DCAF6: variants seen among roughly 807,000 people sequenced by gnomAD.
DCAF6 encodes the protein DDB1 and CUL4 associated factor 6, also known as DDB1- and CUL4-associated factor 6.
Under a neutral mutation model 125.1 loss-of-function variants are expected in DCAF6, and 54 were observed. The ratio of observed to expected loss-of-function variants is 0.43; its 90% confidence interval spans 0.35 to 0.54. The LOEUF (loss-of-function observed/expected upper bound fraction) is 0.54. DCAF6 is among the 20% of genes least tolerant of loss of function. The pLI is 0.01. For synonymous variants in DCAF6, 371 were observed against 390.4 expected, an observed-to-expected ratio of 0.95 and a Z score of 0.58; for missense variants, 934 against 1,161.7, an observed-to-expected ratio of 0.80 and a Z score of 2.85.
chr1:167,901,074 A>C, the DCAF6 span, among the ~76,000 whole-genome samples: 1 of 152,216 alleles, frequency 6.6e-6, no homozygotes, highest in Admixed American at 6.5e-5. Flanking sequence ...CCTGTATCTC[A>C]GGACTGTCAT....
At chr1:167,913,385 G>C in the DCAF6 span, among the ~76,000 whole-genome samples, 1 of 152,136 alleles carries the variant, frequency 6.6e-6, no homozygotes, top group Admixed American at 6.5e-5. Flanking sequence ...TACATGTAAA[G>C]TCAGGTTTCA....
chr1:168,039,643 A>G (rs1038214729), intron 13 of DCAF6, among the ~76,000 whole-genome samples: 1 of 147,596 alleles, frequency 6.8e-6, no homozygotes, highest in Non-Finnish European at 1.5e-5. Context: ...TTGTTTAATG[A>G]CAATATATTA....
intron 4 of DCAF6, among the ~76,000 whole-genome samples, chr1:167,979,470 T>G (rs1678773733): frequency 1.3e-5 from 2 of 152,232 alleles, no homozygotes; most frequent in African/African-American, 4.8e-5. Flanking sequence ...AATCATGCAG[T>G]ATTTGACTTT....
chr1:167,918,158 C>T, the DCAF6 span: 1 of 549,920 alleles, frequency 1.8e-6, no homozygotes, highest in African/African-American at 1.9e-5. Context: ...TGTAGAGAGA[C>T]TGTTATTAAA....
intron 2 of DCAF6, among the ~76,000 whole-genome samples, chr1:167,952,921 C>T (rs1674196147): frequency 6.6e-6 from 1 of 152,116 alleles, no homozygotes; most frequent in African/African-American, 2.4e-5. Flanking sequence ...TAGTAATTAT[C>T]AAGATTTTGC....
intron 19 of DCAF6, 96 bp downstream of exon 19, chr1:168,065,842 T>G: frequency 1.7e-6 from 2 of 1,167,720 alleles, no homozygotes; most frequent in East Asian, 5.2e-5. Context: ...ATTATAAGAA[T>G]AATCCAAACT....
At position 167,946,515 on chromosome 1, in the gene DCAF6, A is replaced by G. The variant is rs111671669; in HGVS notation, c.98-5285A>G. 2.9e-3 allele frequency among the ~76,000 whole-genome samples: 448 copies of G among 152,248 alleles called. 1 individual carries two copies. Among genetic ancestry groups the G allele is most frequent in the African/African-American group, 0.01 (426 of 41,554 alleles). On this transcript the variant is annotated intron_variant, in intron 1 of 21. Transcript: ENST00000367840. ...GATGTTAGTTACAGGTTTATCATATATGGCCTTTATTATTTTGAGGTATGA... is the reference window on the plus strand; with the variant it reads ...GATGTTAGTTACAGGTTTATCATATGTGGCCTTTATTATTTTGAGGTATGA...
In DCAF6 at chr1:168,073,107, C is replaced by T. The variant is rs575943052; in HGVS notation, c.2792-2264C>T. On this transcript the variant is annotated intron_variant, in intron 21 of 21. Coordinates refer to ENST00000367840, the MANE Select transcript of DCAF6 (RefSeq NM_001198956.2). ...AGGAGAATCGCTTGAACCCGGGAGG[C>T]GGAGGTTGCAGTGAGCCAAGATCGC... 5.3e-5 allele frequency among the ~76,000 whole-genome samples: 8 copies of T among 151,916 alleles called. No individual in the cohort carries two copies. The South Asian group carries it at 1.0e-3, about 20-fold the overall frequency.
chr1:168,066,335 A>G lies in DCAF6; in HGVS notation c.2597-42A>G, dbSNP rs747755505. 9.0e-6 allele frequency: 12 copies of G among 1,335,330 alleles called. No homozygotes were observed. The South Asian group carries it at 1.6e-4, about 18-fold the overall frequency. 82.7% of individuals were successfully genotyped at this position (1,335,330 alleles called of 1,614,324 possible). ...ATAATATAAGCATATCCTGAATTGC[A>G]TGTTTCTAGGCTTCATATTAATATA... On this transcript the variant is annotated intron_variant, in intron 19 of 21. Coordinates refer to ENST00000367840, the MANE Select transcript of DCAF6 (RefSeq NM_001198956.2).
At chr1:167,939,744 C>T (rs1483929346) in intron 1 of DCAF6, among the ~76,000 whole-genome samples, 3 of 151,310 alleles carry the variant, frequency 2.0e-5, no homozygotes, top group Admixed American at 6.6e-5. Flanking sequence ...GCCTGGGCGA[C>T]AGAGGGAAAC....
the DCAF6 span, among the ~76,000 whole-genome samples, chr1:167,921,871 C>A: frequency 6.6e-6 from 1 of 151,992 alleles, no homozygotes; most frequent in Non-Finnish European, 1.5e-5. Flanking sequence ...ATATTTATAT[C>A]CTTTAGGTTA....
At chr1:167,878,584 C>G in the DCAF6 span, 2 of 1,614,126 alleles carry the variant, frequency 1.2e-6, no homozygotes, top group Non-Finnish European at 1.7e-6. Context: ...GGTCACAATT[C>G]CTGGGTAGTA....
At chr1:168,071,509 C>T (rs1248329513) in intron 21 of DCAF6, among the ~76,000 whole-genome samples, 1 of 152,114 alleles carries the variant, frequency 6.6e-6, no homozygotes, top group Non-Finnish European at 1.5e-5. Flanking sequence ...TGGTGCACAC[C>T]TGTAATCCCA....
At chr1:167,950,814 A>T (rs983009194) in intron 1 of DCAF6, among the ~76,000 whole-genome samples, 3 of 152,206 alleles carry the variant, frequency 2.0e-5, no homozygotes, top group African/African-American at 7.2e-5. Flanking sequence ...TTAAAGGGAC[A>T]GATTTCTCTT....
intron 20 of DCAF6, among the ~76,000 whole-genome samples, chr1:168,067,302 T>C (rs933264833): frequency 6.6e-6 from 1 of 152,156 alleles, no homozygotes; most frequent in African/African-American, 2.4e-5. Context: ...GATAAGGCCC[T>C]ACCCTCAGAG....
At chr1:167,934,172 G>A (rs901650280), upstream of DCAF6, among the ~76,000 whole-genome samples, 4 of 152,184 alleles carry the variant, frequency 2.6e-5, no homozygotes, top group African/African-American at 9.7e-5. Context: ...TGAAAGCTGA[G>A]TAGTATTTTA....
the DCAF6 span, among the ~76,000 whole-genome samples, chr1:167,884,268 C>T: frequency 1.1e-4 from 16 of 152,298 alleles, no homozygotes; most frequent in Admixed American, 9.1e-4. Flanking sequence ...GGGGAGGACT[C>T]AAACTTATAA....
At chr1:167,905,319 T>C in the DCAF6 span, 8 of 767,754 alleles carry the variant, frequency 1.0e-5, no homozygotes, top group Non-Finnish European at 1.5e-5. Context: ...AATGCCAGAG[T>C]TGTTGAGCCA....
At chr1:168,056,794 C>G (rs999018688) in intron 17 of DCAF6, among the ~76,000 whole-genome samples, 1 of 152,192 alleles carries the variant, frequency 6.6e-6, no homozygotes, top group Non-Finnish European at 1.5e-5. Flanking sequence ...CTACAAAAAT[C>G]CCAAGTTTTA....
Sources: allele counts gnomAD v4.1 joint callset (sites outside exome capture counted in the v4.1 genomes callset), GRCh38; gene constraint gnomAD v4.1.1; transcripts MANE v1.5; gene names NCBI Gene and HGNC (gene_info 2026-07-23, HGNC 2026-07-21).